The following GPR39 variants were observed in gnomAD, a reference collection of about 807,000 sequenced individuals.
GPR39 encodes G protein-coupled receptor 39, also known as zinc sensing receptor.
A neutral mutation model predicts 18.4 loss-of-function variants in GPR39; 23 were observed. The observed-to-expected ratio is 1.25, with a 90% confidence interval of 0.90 to 1.77. The LOEUF (loss-of-function observed/expected upper bound fraction) is 1.77. GPR39 is among the 40% of genes most tolerant of loss of function. GPR39 has a pLI of 0.00. For missense variants in GPR39, 647 were observed against 602.4 expected (o/e 1.07, Z -0.78); for synonymous variants, 280 against 257.9 (o/e 1.09, Z -0.82).
intron 1 of GPR39, among the ~76,000 whole-genome samples, chr2:132,420,225 A>T (rs991156395): frequency 1.3e-5 from 2 of 152,182 alleles, no homozygotes; most frequent in Non-Finnish European, 2.9e-5. Context: ...GGGGGAATTT[A>T]CCGTTTGTAT....
intron 1 of GPR39, among the ~76,000 whole-genome samples, chr2:132,572,086 A>T (rs934437933): frequency 6.6e-6 from 1 of 152,144 alleles, no homozygotes; most frequent in Non-Finnish European, 1.5e-5. Flanking sequence ...CCCAGCCAGG[A>T]GAACTTGGCC....
At chr2:132,618,466 C>T (rs956734927) in intron 1 of GPR39, among the ~76,000 whole-genome samples, 25 of 152,180 alleles carry the variant, frequency 1.6e-4, no homozygotes, top group African/African-American at 5.5e-4. Flanking sequence ...GAAATGAGGG[C>T]TTTCTCGATC....
chr2:132,448,874 C>T (rs923679295), intron 1 of GPR39, among the ~76,000 whole-genome samples: 1 of 152,170 alleles, frequency 6.6e-6, no homozygotes, highest in Admixed American at 6.5e-5. Flanking sequence ...CCCCTTCTGT[C>T]CAGACACTGC....
chr2:132,614,784 AC>A (rs1681303682), intron 1 of GPR39, among the ~76,000 whole-genome samples: 1 of 150,920 alleles, frequency 6.6e-6, no homozygotes, highest in Non-Finnish European at 1.5e-5. Context: ...ACTCCTGACC[AC>A]CTGCCTCAGC....
intron 1 of GPR39, among the ~76,000 whole-genome samples, chr2:132,629,583 G>A (rs574073012): frequency 6.6e-6 from 1 of 152,328 alleles, no homozygotes; most frequent in African/African-American, 2.4e-5. Context: ...TTTTGTAGCT[G>A]AAAAGGGCTG....
At chr2:132,615,753 A>C (rs1681322749) in intron 1 of GPR39, among the ~76,000 whole-genome samples, 1 of 152,136 alleles carries the variant, frequency 6.6e-6, no homozygotes, top group South Asian at 2.1e-4. Context: ...TTAGAGGTTC[A>C]CTTGCAAGTC....
chr2:132,579,473 T>A (rs1378750235), intron 1 of GPR39, among the ~76,000 whole-genome samples: 1 of 152,196 alleles, frequency 6.6e-6, no homozygotes, highest in East Asian at 1.9e-4. Flanking sequence ...TTAAATCCTG[T>A]TGGTTGATGG....
At chr2:132,505,685 G>A (rs777062536) in intron 1 of GPR39, among the ~76,000 whole-genome samples, 31 of 152,052 alleles carry the variant, frequency 2.0e-4, no homozygotes, top group Non-Finnish European at 1.2e-4. Context: ...ATTTCACTTA[G>A]TATAATGAAC....
chr2:132,418,864 TATAAC>T (rs2104751284), intron 1 of GPR39, among the ~76,000 whole-genome samples: 1 of 152,298 alleles, frequency 6.6e-6, no homozygotes, highest in African/African-American at 2.4e-5. Flanking sequence ...AAGGAATAGA[TATAAC>T]AAACATTTCC....
chr2:132,572,105 C>A (rs1196619995), intron 1 of GPR39, among the ~76,000 whole-genome samples: 2 of 152,118 alleles, frequency 1.3e-5, no homozygotes, highest in Non-Finnish European at 2.9e-5. Context: ...CCCACAAATC[C>A]CTGTGGATGC....
chr2:132,466,055 C>G (rs941330532), intron 1 of GPR39, among the ~76,000 whole-genome samples: 3 of 152,136 alleles, frequency 2.0e-5, no homozygotes, highest in Non-Finnish European at 4.4e-5. Context: ...TCCTTGCCAG[C>G]CTTGCAGGCT....
intron 1 of GPR39, among the ~76,000 whole-genome samples, chr2:132,631,213 CATT>C (rs1681645395): frequency 1.3e-5 from 2 of 152,164 alleles, no homozygotes; most frequent in Non-Finnish European, 1.5e-5. Flanking sequence ...AGGATGTTCT[CATT>C]GTTGCGCTGT....
At chr2:132,449,541 CT>C (rs1419373028) in intron 1 of GPR39, among the ~76,000 whole-genome samples, 1 of 152,206 alleles carries the variant, frequency 6.6e-6, no homozygotes, top group Non-Finnish European at 1.5e-5. Context: ...GCCACCGTGC[CT>C]GGCCTAGTGC....
intron 1 of GPR39, among the ~76,000 whole-genome samples, chr2:132,489,964 G>T (rs1220636781): frequency 2.0e-5 from 3 of 151,848 alleles, no homozygotes; most frequent in African/African-American, 7.3e-5. Flanking sequence ...GGAGGCCCCA[G>T]AGAGAGTTTA....
intron 1 of GPR39, among the ~76,000 whole-genome samples, chr2:132,536,872 A>T (rs575036202): frequency 6.6e-6 from 1 of 152,196 alleles, no homozygotes; most frequent in African/African-American, 2.4e-5. Context: ...CTGTTTTATC[A>T]AAGACTAGGA....
chr2:132,465,102 TA>T (rs1276669052), intron 1 of GPR39, among the ~76,000 whole-genome samples: 2 of 152,240 alleles, frequency 1.3e-5, no homozygotes, highest in South Asian at 4.2e-4. Context: ...AAACAGGTGG[TA>T]ATTTGGAATA....
At chr2:132,441,538 G>A (rs1680439316) in intron 1 of GPR39, among the ~76,000 whole-genome samples, 1 of 152,166 alleles carries the variant, frequency 6.6e-6, no homozygotes. Flanking sequence ...GAAATGCTGG[G>A]CTTGGTGCTG....
chr2:132,618,865 G>C (rs1237909709), intron 1 of GPR39, among the ~76,000 whole-genome samples: 14 of 152,222 alleles, frequency 9.2e-5, no homozygotes, highest in Admixed American at 9.2e-4. Flanking sequence ...AGATGGGAGA[G>C]GGGCCAAGGG....
intron 1 of GPR39, among the ~76,000 whole-genome samples, chr2:132,565,433 G>T (rs1359739966): frequency 1.3e-5 from 2 of 148,208 alleles, no homozygotes; most frequent in East Asian, 2.0e-4. Flanking sequence ...AAGTTTTAGG[G>T]TACATGTGCA....
Sources: gnomAD v4.1 joint callset for allele counts (sites outside exome capture counted in the v4.1 genomes callset) on GRCh38, gnomAD v4.1.1 for gene constraint, MANE v1.5 for transcripts, NCBI Gene and HGNC (gene_info 2026-07-23, HGNC 2026-07-21) for gene names.